Variants in LTB observed in about 807,000 individuals in gnomAD.
The protein encoded by LTB is lymphotoxin-beta.
In LTB, 17 loss-of-function variants were observed where a neutral mutation model predicts 14.7. The ratio of observed to expected loss-of-function variants is 1.16; its 90% confidence interval spans 0.79 to 1.73. The LOEUF (loss-of-function observed/expected upper bound fraction) is 1.73, where lower values mean the gene tolerates loss of function less well. Among genes scored for constraint, LTB ranks in the 40% most tolerant of loss-of-function variants. The probability of loss-of-function intolerance (pLI) is 0.00; values close to 1 mark genes in which losing one functional copy is unlikely to be tolerated. For missense variants in LTB, 288 were observed against 324.3 expected (o/e 0.89, Z 0.86); for synonymous variants, 163 against 157.3 (o/e 1.04, Z -0.27).
intron 2 of LTB, 30 bp from the exon 3 acceptor site, chr6:31,581,660 G>A (rs1395670427): frequency 1.2e-6 from 2 of 1,608,126 alleles, no homozygotes; most frequent in African/African-American, 1.3e-5. Context: ...CACGATTGGG[G>A]GCAGGGCAGC....
Position 31,581,856 on chromosome 6 carries a change from T to A in LTB, c.166A>T (p.Thr56Ser). The A allele has an allele frequency of 1.3e-6, 2 of 1,592,680 alleles. No individual in the cohort carries two copies. Among genetic ancestry groups the A allele is most frequent in the East Asian group, 2.2e-5 (1 of 44,782 alleles). ...LVPQDQGGLV[T>S]ETADPGAQAQ... is the part of the protein sequence containing the mutation. ...TGTGCCCCGGGGTCGGCCGTCTCCG[T>A]TACCTGGTTGGGTGGGGTCACAGTG... Residue 56 changes from threonine (T) to serine (S), a missense_variant, in exon 2 of 4, where the codon ACG (threonine) becomes TCG (serine). By Grantham distance (58) the Thr-to-Ser change is moderately conservative (BLOSUM62 1). Around this residue, in one of 2 missense-constraint regions of LTB, gnomAD observed 284 missense variants for 299.2 expected, o/e 0.95. Coordinates refer to ENST00000429299, the MANE Select transcript of LTB (RefSeq NM_002341.2).
rs1018921004 is a variant in LTB at position 31,581,078 on chromosome 6, G to A, written c.366C>T (p.Ala122=). The A allele has an allele frequency of 6.2e-7, 1 of 1,610,806 alleles. No individual in the cohort carries two copies. Among genetic ancestry groups the A allele is most frequent in the African/African-American group, 1.3e-5 (1 of 74,854 alleles). ...FLTSGTQFSD[A]EGLALPQDGL... is the part of the protein sequence containing the mutation. ...CGTCCTGCGGGAGCGCCAGCCCCTC[G>A]GCGTCCGAGAACTGCGTCCCGCTCG... Residue 122 remains alanine, a synonymous_variant, in exon 4 of 4, where the codon GCC becomes GCT. Transcript: ENST00000429299.
At chr6:31,582,135 TC>T in intron 1 of LTB, 120 bp downstream of exon 1, 1 of 1,167,948 alleles carries the variant, frequency 8.6e-7, no homozygotes, top group Non-Finnish European at 1.2e-6. Context: ...AGACAAGACA[TC>T]CCCACCAGGG....
Position 31,582,319 on chromosome 6 carries a change from C to T in LTB, c.99G>A (p.Leu33=). 1 of 1,613,080 alleles carries T rather than the reference C, an allele frequency of 6.2e-7. No individual in the cohort carries two copies. The highest frequency in any genetic ancestry group is 8.5e-7 in the Non-Finnish European group (1 of 1,180,012). The change falls in exon 1 of 4, where the codon TTG becomes TTA. Residue 33 remains leucine (L), a synonymous_variant. Transcript: ENST00000429299. ...CCAGGACAGTGATAGGCACCGCCAGCAACAAGGTCACCAGAGAAGTGGCTC... is the reference window on the plus strand; with the variant it reads ...CCAGGACAGTGATAGGCACCGCCAGTAACAAGGTCACCAGAGAAGTGGCTC... The part of the protein sequence containing the change: ...VAGATSLVTL[L]LAVPITVLAV...
At position 31,582,321 on chromosome 6, in the gene LTB, A is replaced by T. The variant is rs1562487769; in HGVS notation, c.97T>A (p.Leu33Met). The change falls in exon 1 of 4, where the codon TTG becomes ATG. Residue 33 changes from leucine to methionine, a missense_variant. Around this residue, in one of 2 missense-constraint regions of LTB, gnomAD observed 284 missense variants for 299.2 expected, o/e 0.95. Coordinates refer to ENST00000429299, the MANE Select transcript of LTB (RefSeq NM_002341.2). The part of the protein sequence containing the change: ...VAGATSLVTL[L>M]LAVPITVLAV... ...AGGACAGTGATAGGCACCGCCAGCA[A>T]CAAGGTCACCAGAGAAGTGGCTCCT... The T allele has an allele frequency of 5.0e-6, 8 of 1,613,058 alleles. No homozygotes were observed. Among genetic ancestry groups the T allele is most frequent in the Admixed American group, 1.7e-5 (1 of 60,022 alleles).
intron 3 of LTB, 135 bp from the exon 4 acceptor site, chr6:31,581,298 G>T: frequency 1.2e-6 from 1 of 843,014 alleles, no homozygotes; most frequent in Non-Finnish European, 1.8e-6. Flanking sequence ...TTTCTGGGAT[G>T]AGTGCGAGTT....
rs571318566 is a variant in LTB at position 31,581,859 on chromosome 6, C to A, written c.163G>T (p.Val55Leu). 2 of 1,590,946 alleles carry A rather than the reference C, an allele frequency of 1.3e-6. No homozygotes were observed. Among genetic ancestry groups the A allele is most frequent in the Admixed American group, 1.8e-5 (1 of 56,302 alleles). ...GCCCCGGGGTCGGCCGTCTCCGTTA[C>A]CTGGTTGGGTGGGGTCACAGTGCCC... ...ALVPQDQGGL[V>L]TETADPGAQA... The change falls in exon 2 of 4, where the codon GTA becomes TTA. Residue 55 changes from valine to leucine, a missense_variant and splice_region_variant. By Grantham distance (32) the Val-to-Leu change is conservative (BLOSUM62 1). Transcript: ENST00000429299.
intron 2 of LTB, 87 bp downstream of exon 2, chr6:31,581,727 C>G: frequency 1.2e-6 from 2 of 1,602,754 alleles, no homozygotes; most frequent in Non-Finnish European, 8.5e-7. Context: ...GCCTGGATTC[C>G]TAGAGGAAGA....
chr6:31,582,073 T>TGTCGGGACACAAGCACAATGTC, intron 1 of LTB, 183 bp downstream of exon 1: 1 of 804,888 alleles, frequency 1.2e-6, no homozygotes, highest in Admixed American at 2.6e-5. Context: ...AAGGGGCTTA[T>TGTCGGGACACAAGCACAATGTC]GTCGGGACAC....
intron 1 of LTB, 194 bp from the exon 2 acceptor site, chr6:31,582,053 G>T: frequency 1.3e-6 from 1 of 761,116 alleles, no homozygotes; most frequent in Non-Finnish European, 2.2e-6. Context: ...GGGAAGAGGA[G>T]AGGAGACACA....
In LTB at chr6:31,580,859, T is replaced by C. The variant is rs1402837969; in HGVS notation, c.585A>G (p.Gln195=). The C allele has an allele frequency of 6.2e-7, 1 of 1,610,038 alleles. No homozygotes were observed. The highest frequency in any genetic ancestry group is 1.3e-5 in the African/African-American group (1 of 74,948). Residue 195 remains glutamine, a synonymous_variant, in exon 4 of 4, where the codon CAA becomes CAG. Transcript: ENST00000429299. This position sits in a 1 kb window ranked among gnomAD's most constrained non-coding sequence, Gnocchi z 6.6. The part of the protein sequence containing the change: ...VTPVLDPARR[Q]GYGPLWYTSV... ...TCGTGTACCAGAGAGGCCCGTACCC[T>C]TGTCTCCTGGCCGGGTCCAGCACTG...
chr6:31,582,222 C>T (rs558646836), intron 1 of LTB, 34 bp downstream of exon 1: 6 of 1,609,628 alleles, frequency 3.7e-6, no homozygotes, highest in Admixed American at 1.7e-5. Flanking sequence ...CCGCAAGATA[C>T]AACTCTCCAC....
chr6:31,581,020 G>C lies in LTB; in HGVS notation c.424C>G (p.Arg142Gly). 2 of 1,576,532 alleles carry C rather than the reference G, an allele frequency of 1.3e-6. No individual in the cohort carries two copies. The highest frequency in any genetic ancestry group is 1.7e-6 in the Non-Finnish European group (2 of 1,161,218). ...CCGCCGCCAGGGGGCGCCCGGCCCCGGTAGCCGACGAGACAGTAGAGGTAA... is the reference window on the plus strand; with the variant it reads ...CCGCCGCCAGGGGGCGCCCGGCCCCCGTAGCCGACGAGACAGTAGAGGTAA... Reference protein sequence around the residue: ...LYYLYCLVGYRGRAPPGGGDP... With the variant: ...LYYLYCLVGYGGRAPPGGGDP... The change falls in exon 4 of 4, where the codon CGG (arginine) becomes GGG (glycine). Residue 142 changes from arginine (R) to glycine (G), a missense_variant. By Grantham distance (125) the Arg-to-Gly change is moderately radical. This residue lies in a region of LTB where 284 missense variants were observed against 299.2 expected (regional missense o/e 0.95). Transcript: ENST00000429299.
chr6:31,581,076 T>TCGGCGTCCGAGAA lies in LTB; in HGVS notation c.355_367dup (p.Glu123ValfsTer?). 1 of 1,610,830 alleles carries TCGGCGTCCGAGAA rather than the reference T, an allele frequency of 6.2e-7. No individual in the cohort carries two copies. Among genetic ancestry groups the TCGGCGTCCGAGAA allele is most frequent in the South Asian group, 1.1e-5 (1 of 90,940 alleles). On this transcript the variant is annotated frameshift_variant, in exon 4 of 4. Transcript: ENST00000429299. LOFTEE classifies it low-confidence loss of function (END_TRUNC). ...GCCGTCCTGCGGGAGCGCCAGCCCC[T>TCGGCGTCCGAGAA]CGGCGTCCGAGAACTGCGTCCCGCT... is the stretch of plus-strand genomic sequence containing the variant.
chr6:31,581,762 C>T (rs1771536013), intron 2 of LTB, 52 bp downstream of exon 2: 1 of 1,609,338 alleles, frequency 6.2e-7, no homozygotes, highest in Non-Finnish European at 8.5e-7. Context: ...CAGCAGGGAG[C>T]TGGGAGCCCC....
At chr6:31,582,135 T>G (rs552223075) in intron 1 of LTB, 121 bp downstream of exon 1, 2 of 1,167,948 alleles carry the variant, frequency 1.7e-6, no homozygotes, top group East Asian at 2.4e-5. Context: ...AGACAAGACA[T>G]CCCCACCAGG....
Position 31,580,804 on chromosome 6 carries a change from G to A in LTB, c.640C>T (p.Arg214Trp). 4 of 1,612,904 alleles carry A rather than the reference G, an allele frequency of 2.5e-6. No homozygotes were observed. Among genetic ancestry groups the A allele is most frequent in the Non-Finnish European group, 3.4e-6 (4 of 1,179,968 alleles). ...SVGFGGLVQL[R>W]RGERVYVNIS... Reference sequence around the variant, plus strand: ...TTGACGTACACCCTCTCGCCCCTCCGGAGCTGCACCAGGCCGCCGAACCCC... The same window carrying A: ...TTGACGTACACCCTCTCGCCCCTCCAGAGCTGCACCAGGCCGCCGAACCCC... The change falls in exon 4 of 4, where the codon CGG becomes TGG. Residue 214 changes from arginine to tryptophan, a missense_variant. This residue lies in a region of LTB where 284 missense variants were observed against 299.2 expected (regional missense o/e 0.95). Transcript: ENST00000429299. This position sits in a 1 kb window ranked among gnomAD's most constrained non-coding sequence, Gnocchi z 6.6.
rs1771481379 is a variant in LTB at position 31,581,143 on chromosome 6, C to T, written c.301G>A (p.Gly101Arg). 2 of 1,547,652 alleles carry T rather than the reference C, an allele frequency of 1.3e-6. No homozygotes were observed. The highest frequency in any genetic ancestry group is 2.1e-5 in the Admixed American group (1 of 47,860). ...HLIGAPLKGQ[G>R]LGWETTKEQA... ...TCCTTCGTCGTCTCCCAGCCTAGCC[C>T]CTGCCCCTTCAGCGGAGCGCCTGCG... The change falls in exon 4 of 4, where the codon GGG (glycine) becomes AGG (arginine). Residue 101 changes from glycine to arginine, a missense_variant. Gly to Arg is a moderately radical substitution (Grantham distance 125). Transcript: ENST00000429299.
chr6:31,582,028 A>C, intron 1 of LTB, 169 bp from the exon 2 acceptor site: 1 of 786,506 alleles, frequency 1.3e-6, no homozygotes, highest in East Asian at 2.6e-5. Flanking sequence ...TTGGGCGGAG[A>C]AACAGATGTA....
Sources: gnomAD v4.1 joint callset for allele counts on GRCh38, gnomAD v4.1.1 for gene constraint, gnomAD v4.1.1 regional missense constraint, Gnocchi (gnomAD v3.1) non-coding constraint, MANE v1.5 for transcripts, NCBI Gene and HGNC (gene_info 2026-07-23, HGNC 2026-07-21) for gene names.